The following PEX5 variants were observed in gnomAD, a reference collection of about 807,000 sequenced individuals.
PEX5 encodes the protein peroxisomal biogenesis factor 5.
A neutral mutation model predicts 82.9 loss-of-function variants in PEX5; 52 were observed. That is an observed-to-expected ratio of 0.63 (90% CI 0.50 to 0.79). PEX5 has a LOEUF of 0.79. PEX5 is among the 30% of genes least tolerant of loss of function. The probability of loss-of-function intolerance (pLI) is 0.00; values close to 1 mark genes in which losing one functional copy is unlikely to be tolerated. For missense variants in PEX5, 719 were observed against 815.2 expected (o/e 0.88, Z 1.44); for synonymous variants, 300 against 318.8 (o/e 0.94, Z 0.63).
intron 10 of PEX5, among the ~76,000 whole-genome samples, chr12:7,205,143 G>A (rs1409830061): frequency 6.6e-6 from 1 of 152,046 alleles, no homozygotes; most frequent in Non-Finnish European, 1.5e-5. Context: ...ATGAGCTTTT[G>A]GTGTCATATC....
In PEX5 at chr12:7,202,275, A is replaced by C; in HGVS notation, c.677A>C (p.Gln226Pro). 1 of 1,614,090 alleles carries C rather than the reference A, an allele frequency of 6.2e-7. No individual in the cohort carries two copies. Among genetic ancestry groups the C allele is most frequent in the Admixed American group, 1.7e-5 (1 of 60,010 alleles). The change falls in exon 8 of 16, where the codon CAG becomes CCG. Residue 226 changes from glutamine (Q) to proline (P), a missense_variant. Coordinates refer to ENST00000675855, the MANE Select transcript of PEX5 (RefSeq NM_001351132.2). ...LKFVRQIGEG[Q>P]VSLESGAGSG... ...TTCGTGCGGCAGATTGGCGAAGGGC[A>C]GGTGTCCCTGGAGTCCGGTGCAGGG... is the stretch of plus-strand genomic sequence containing the variant.
intron 10 of PEX5, among the ~76,000 whole-genome samples, 155 bp downstream of exon 10, chr12:7,203,706 T>G (rs1473053952): frequency 6.6e-6 from 1 of 152,192 alleles, no homozygotes; most frequent in Admixed American, 6.5e-5. Context: ...TCCTCTTCAG[T>G]GATTGAGTAT....
intron 3 of PEX5, 100 bp from the exon 4 acceptor site, chr12:7,191,126 T>C: frequency 1.4e-6 from 2 of 1,406,158 alleles, no homozygotes; most frequent in Non-Finnish European, 2.0e-6. Context: ...TGTGTTTTCC[T>C]TTCCTTGTAT....
At position 7,190,759 on chromosome 12, in the gene PEX5, C is replaced by T. The variant is rs775604532; in HGVS notation, c.148-129C>T. ...TGAGCGTTTATAAACACTAGAAAAC[C>T]CTGTGCACCTTTAAATAAATGCAAC... On this transcript the variant is annotated intron_variant, in intron 2 of 15. Coordinates refer to ENST00000675855, the MANE Select transcript of PEX5 (RefSeq NM_001351132.2). The T allele has an allele frequency of 7.7e-6, 10 of 1,296,348 alleles. No individual in the cohort carries two copies. The Admixed American group carries it at 1.0e-4, about 13-fold the overall frequency. 80.3% of individuals were successfully genotyped at this position (1,296,348 alleles called of 1,614,324 possible).
intron 5 of PEX5, among the ~76,000 whole-genome samples, chr12:7,197,238 A>ATTATATATGTCATATG (rs1176102981): frequency 2.2e-4 from 6 of 27,842 alleles, no homozygotes; most frequent in African/African-American, 5.1e-4. Flanking sequence ...GTCATATGTA[A>ATTATATATGTCATATG]TAATTATATG....
At position 7,209,842 on chromosome 12, in the gene PEX5, TGA is replaced by T. The variant is rs1284589164; in HGVS notation, c.1718+6_1718+7del. 2.5e-6 allele frequency: 4 copies of T among 1,613,940 alleles called. No individual in the cohort carries two copies. The African/African-American group carries it at 4.0e-5, about 16-fold the overall frequency. ...CTGCATCAACCTCGGGGCTCACCGG[TGA>T]GAGTATCTATTGAGAAATGAATGAA... On this transcript the variant is annotated splice_donor_region_variant and intron_variant, in intron 15 of 15. Transcript: ENST00000675855.
At chr12:7,200,677 T>G (rs1030497889) in intron 6 of PEX5, among the ~76,000 whole-genome samples, 1 of 152,104 alleles carries the variant, frequency 6.6e-6, no homozygotes, top group African/African-American at 2.4e-5. Flanking sequence ...CACTCGCGGT[T>G]AGGAGCTGGA....
chr12:7,212,464 G>GAAAAAAA (rs5796271), downstream of PEX5, among the ~76,000 whole-genome samples: 4 of 96,284 alleles, frequency 4.2e-5, no homozygotes, highest in African/African-American at 8.9e-5. Context: ...AAAGCTGCCA[G>GAAAAAAA]AAAAAAAAAA....
chr12:7,218,029 C>T (rs762747010), intron 17 of PEX5, among the ~76,000 whole-genome samples: 12 of 151,988 alleles, frequency 7.9e-5, no homozygotes, highest in Non-Finnish European at 1.5e-4. Flanking sequence ...ATCAGTTAGA[C>T]GTTATTTTAC....
At chr12:7,195,951 TGA>T (rs1162108115) in intron 5 of PEX5, among the ~76,000 whole-genome samples, 2 of 149,756 alleles carry the variant, frequency 1.3e-5, no homozygotes, top group Non-Finnish European at 3.0e-5. Context: ...ATTTAATTTT[TGA>T]GAGTCCTTGA....
In PEX5 at chr12:7,210,223, A is replaced by C; in HGVS notation, c.1920A>C (p.Ter640CysextTer47). ...TAACTATGTTTGGCCTGCCCCAGTG[A>C]CAGTGGGACGGGCTGCCCTGTGAGT... Reference protein sequence around the residue: ...TLLTMFGLPQ* With the variant: ...TLLTMFGLPQC The change falls in exon 16 of 16, where the codon TGA becomes TGC. Residue 640 changes from the stop codon to cysteine (C), a stop_lost. Transcript: ENST00000675855. The C allele has an allele frequency of 6.2e-7, 1 of 1,613,688 alleles. No homozygotes were observed.
downstream of PEX5, among the ~76,000 whole-genome samples, chr12:7,211,897 A>T (rs1945600955): frequency 6.6e-6 from 1 of 152,040 alleles, no homozygotes; most frequent in South Asian, 2.1e-4. Context: ...TTAAAAATAT[A>T]CACAAATATT....
chr12:7,209,778 G>A lies in PEX5; in HGVS notation c.1656G>A (p.Gln552=). The A allele has an allele frequency of 6.2e-7, 1 of 1,614,206 alleles. No homozygotes were observed. The highest frequency in any genetic ancestry group is 8.5e-7 in the Non-Finnish European group (1 of 1,180,038). The change falls in exon 15 of 16, where the codon CAG becomes CAA. Residue 552 remains glutamine, a synonymous_variant. Coordinates refer to ENST00000675855, the MANE Select transcript of PEX5 (RefSeq NM_001351132.2). ...VAAYRRALEL[Q]PGYIRSRYNL... ...CGTACCGCCGGGCCCTCGAGCTCCA[G>A]CCTGGCTATATCCGGTCCCGCTATA... is the stretch of plus-strand genomic sequence containing the variant.
intron 13 of PEX5, 102 bp downstream of exon 13, chr12:7,208,771 T>C: frequency 9.6e-7 from 1 of 1,045,346 alleles, no homozygotes; most frequent in Non-Finnish European, 1.5e-6. Context: ...GACTGAAGGG[T>C]CCTGAGAATG....
chr12:7,210,214 G>A lies in PEX5; in HGVS notation c.1911G>A (p.Leu637=). The A allele has an allele frequency of 6.2e-7, 1 of 1,614,102 alleles. No individual in the cohort carries two copies. The highest frequency in any genetic ancestry group is 8.5e-7 in the Non-Finnish European group (1 of 1,180,006). The part of the protein sequence containing the change: ...DLSTLLTMFG[L]PQ ...CCACCCTCCTAACTATGTTTGGCCT[G>A]CCCCAGTGACAGTGGGACGGGCTGC... The change falls in exon 16 of 16, where the codon CTG becomes CTA. Residue 637 remains leucine (L), a synonymous_variant. Coordinates refer to ENST00000675855, the MANE Select transcript of PEX5 (RefSeq NM_001351132.2).
rs1940779769 is a variant in PEX5 at position 7,190,356 on chromosome 12, C to T, written c.-16-6C>T. On this transcript the variant is annotated splice_polypyrimidine_tract_variant and splice_region_variant and intron_variant, in intron 1 of 15. Coordinates refer to ENST00000675855, the MANE Select transcript of PEX5 (RefSeq NM_001351132.2). ...ACCTCAGTTCCAAACCTCCTGTGTCCATCAGAGAGCTGGCGGTCACCATGG... is the reference window on the plus strand; with the variant it reads ...ACCTCAGTTCCAAACCTCCTGTGTCTATCAGAGAGCTGGCGGTCACCATGG... 1 of 1,613,990 alleles carries T rather than the reference C, an allele frequency of 6.2e-7. No homozygotes were observed. The highest frequency in any genetic ancestry group is 2.2e-5 in the East Asian group (1 of 44,866).
Position 7,203,625 on chromosome 12 carries a change from T to G in PEX5, c.966+74T>G, listed in dbSNP as rs780816132. The G allele has an allele frequency of 1.8e-5, 26 of 1,441,288 alleles. No homozygotes were observed. The South Asian group carries it at 3.0e-4, about 17-fold the overall frequency. 89.3% of individuals were successfully genotyped at this position (1,441,288 alleles called of 1,614,324 possible). A position where few individuals can be genotyped will look rare whatever the true frequency, so the allele number is the denominator to read the frequency against. On this transcript the variant is annotated intron_variant, in intron 10 of 15. Transcript: ENST00000675855. ...TAACGTCTTTCCTTTAATCCTGAAT[T>G]TGAAGGGTGCTTTTAAGTATTTTCT...
Position 7,207,685 on chromosome 12 carries a change from C to G in PEX5, c.993C>G (p.Pro331=). 6.2e-7 allele frequency: 1 copy of G among 1,614,160 alleles called. No homozygotes were observed. Among genetic ancestry groups the G allele is most frequent in the Non-Finnish European group, 8.5e-7 (1 of 1,180,028 alleles). Reference sequence around the variant, plus strand: ...GGTACCAGTTTGAGGAGGAGAACCCCTTGCGTGATCACCCTCAGCCTTTTG... The same window carrying G: ...GGTACCAGTTTGAGGAGGAGAACCCGTTGCGTGATCACCCTCAGCCTTTTG... ...DKGYQFEEEN[P]LRDHPQPFEE... The change falls in exon 11 of 16, where the codon CCC becomes CCG. Residue 331 remains proline, a synonymous_variant. Coordinates refer to ENST00000675855, the MANE Select transcript of PEX5 (RefSeq NM_001351132.2).
intron 5 of PEX5, among the ~76,000 whole-genome samples, chr12:7,193,242 T>G (rs1941484086): frequency 6.6e-6 from 1 of 151,220 alleles, no homozygotes; most frequent in Non-Finnish European, 1.5e-5. Context: ...TTCTTTTTTT[T>G]TTTTTTTTTT....
Sources: allele counts gnomAD v4.1 joint callset (sites outside exome capture counted in the v4.1 genomes callset), GRCh38; gene constraint gnomAD v4.1.1; transcripts MANE v1.5; gene names NCBI Gene and HGNC (gene_info 2026-07-23, HGNC 2026-07-21).